CNTN4: variants seen among roughly 807,000 people sequenced by gnomAD.
CNTN4 encodes the protein contactin-4.
Under a neutral mutation model 122.5 loss-of-function variants are expected in CNTN4, and 77 were observed. The ratio of observed to expected loss-of-function variants is 0.63; its 90% CI spans 0.52 to 0.76. The LOEUF (loss-of-function observed/expected upper bound fraction) is 0.76, where lower values mean the gene tolerates loss of function less well. Among genes scored for constraint, CNTN4 ranks in the 30% least tolerant of loss-of-function variants. CNTN4 has a pLI of 0.00. For synonymous variants in CNTN4, 512 were observed against 447.0 expected, an observed-to-expected ratio of 1.15 and a Z score of -1.83; for missense variants, 1,256 against 1,259.1, an observed-to-expected ratio of 1.00 and a Z score of 0.04.
At position 3,043,610 on chromosome 3, in the gene CNTN4, G is replaced by T. The variant is rs755671035; in HGVS notation, c.2717G>T (p.Gly906Val). The stretch of plus-strand genomic sequence containing the variant: ...TTTATAGCACCAAGTCAACCCCCCG[G>T]AAACATCATATGGAATTCATCAGAC... ...TRKPPPSQPP[G>V]NIIWNSSDSK... The change falls in exon 23 of 25, where the codon GGA (glycine) becomes GTA (valine). Residue 906 changes from glycine (G) to valine (V), a missense_variant. Coordinates refer to ENST00000418658, the MANE Select transcript of CNTN4 (RefSeq NM_175607.3). 6.2e-7 allele frequency: 1 copy of T among 1,613,598 alleles called. No individual in the cohort carries two copies. The highest frequency in any genetic ancestry group is 8.5e-7 in the Non-Finnish European group (1 of 1,179,686).
intron 2 of CNTN4, among the ~76,000 whole-genome samples, chr3:2,216,097 G>T (rs1033466095): frequency 3.3e-5 from 5 of 151,972 alleles, no homozygotes; most frequent in African/African-American, 9.7e-5. Flanking sequence ...AATGTTCACT[G>T]CAGCACTCTT....
At chr3:2,746,143 G>GAACAAATTTTACAC (rs71058639) in intron 6 of CNTN4, among the ~76,000 whole-genome samples, 2 of 150,012 alleles carry the variant, frequency 1.3e-5, no homozygotes, top group Admixed American at 6.6e-5. Context: ...GCGAGCAATT[G>GAACAAATTTTACAC]AGCTGCCAGT....
intron 15 of CNTN4, among the ~76,000 whole-genome samples, chr3:3,029,114 A>G (rs1462962717): frequency 6.6e-6 from 1 of 152,190 alleles, no homozygotes; most frequent in Non-Finnish European, 1.5e-5. Flanking sequence ...TTCCCATTTT[A>G]TTGAGCAATT....
At chr3:2,428,863 A>G (rs1204734811) in intron 3 of CNTN4, among the ~76,000 whole-genome samples, 1 of 152,084 alleles carries the variant, frequency 6.6e-6, no homozygotes, top group African/African-American at 2.4e-5. Flanking sequence ...AGTTGATCGA[A>G]TCGGCTACTG....
intron 2 of CNTN4, among the ~76,000 whole-genome samples, chr3:2,134,291 G>C (rs1434080085): frequency 6.6e-6 from 1 of 152,170 alleles, no homozygotes; most frequent in Non-Finnish European, 1.5e-5. Context: ...TATTAAATCA[G>C]AATCTCCAGG....
At chr3:2,776,804 T>C (rs900394820) in intron 6 of CNTN4, among the ~76,000 whole-genome samples, 1 of 152,176 alleles carries the variant, frequency 6.6e-6, no homozygotes, top group African/African-American at 2.4e-5. Flanking sequence ...GAGTACAAAG[T>C]CCTCAGTTAC....
chr3:2,521,343 T>TCCCCCCCCCC (rs5846190), intron 3 of CNTN4, among the ~76,000 whole-genome samples: 16 of 128,298 alleles, frequency 1.2e-4, no homozygotes, highest in African/African-American at 4.1e-4. Context: ...CCTCTACCCA[T>TCCCCCCCCCC]CCCCCCCACC....
chr3:2,444,731 TTGGCTGGC>T (rs529016308), intron 3 of CNTN4, among the ~76,000 whole-genome samples: 2,211 of 151,816 alleles, frequency 0.015, 56 homozygotes, highest in African/African-American at 0.051. Context: ...TGAATAAATA[TTGGCTGGC>T]TGGCTGGCTG....
intron 4 of CNTN4, among the ~76,000 whole-genome samples, chr3:2,600,738 A>G (rs1316382469): frequency 6.6e-6 from 1 of 152,184 alleles, no homozygotes; most frequent in Admixed American, 6.5e-5. Flanking sequence ...GCTGGGTCAA[A>G]CGGTATTTCT....
At position 2,524,885 on chromosome 3, in the gene CNTN4, C is replaced by T. The variant is rs543711842; in HGVS notation, c.-88-46531C>T. On this transcript the variant is annotated intron_variant, in intron 3 of 24. Transcript: ENST00000418658. The stretch of plus-strand genomic sequence containing the variant: ...AAAAAAAAGTTTAATAGAATACCAG[C>T]TCAGCCTTTTGGAGGCTTAGCATAT... 3.7e-4 allele frequency among the ~76,000 whole-genome samples: 56 copies of T among 152,276 alleles called. No individual in the cohort carries two copies. In the South Asian group the frequency reaches 0.011, roughly 29 times the overall value.
chr3:2,944,393 A>C (rs2151533662), intron 13 of CNTN4, among the ~76,000 whole-genome samples: 1 of 152,272 alleles, frequency 6.6e-6, no homozygotes, highest in South Asian at 2.1e-4. Context: ...AACTCCTTGA[A>C]CTGGCTCCTC....
At chr3:2,621,448 C>T (rs1038253295) in intron 4 of CNTN4, among the ~76,000 whole-genome samples, 15 of 151,844 alleles carry the variant, frequency 9.9e-5, no homozygotes, top group African/African-American at 3.6e-4. Context: ...AATGAGAACA[C>T]ATGGTCACAG....
At chr3:2,639,720 A>G (rs530847532) in intron 4 of CNTN4, among the ~76,000 whole-genome samples, 1 of 152,242 alleles carries the variant, frequency 6.6e-6, no homozygotes, top group South Asian at 2.1e-4. Context: ...TATTTAACAC[A>G]TTTGTGTTTT....
chr3:2,434,674 A>G (rs2048196205), intron 3 of CNTN4, among the ~76,000 whole-genome samples: 1 of 152,166 alleles, frequency 6.6e-6, no homozygotes, highest in Admixed American at 6.5e-5. Flanking sequence ...TCTCTGTTGC[A>G]GGCACTTTAT....
intron 5 of CNTN4, among the ~76,000 whole-genome samples, chr3:2,738,221 G>C (rs1430273363): frequency 1.3e-5 from 2 of 152,128 alleles, no homozygotes; most frequent in Admixed American, 1.3e-4. Flanking sequence ...AGAACACCGA[G>C]TCAAACAGAT....
intron 2 of CNTN4, among the ~76,000 whole-genome samples, chr3:2,104,246 GT>G: frequency 7.1e-6 from 1 of 141,186 alleles, no homozygotes; most frequent in South Asian, 2.3e-4. Flanking sequence ...GTGTGTGTGT[GT>G]GTGTGTGTGC....
intron 3 of CNTN4, among the ~76,000 whole-genome samples, chr3:2,377,310 C>T (rs2045858067): frequency 6.6e-6 from 1 of 152,160 alleles, no homozygotes; most frequent in Non-Finnish European, 1.5e-5. Context: ...ATTGAACTCT[C>T]TTTAATATGA....
chr3:2,195,991 A>G (rs527758545), intron 2 of CNTN4, among the ~76,000 whole-genome samples: 1 of 152,312 alleles, frequency 6.6e-6, no homozygotes, highest in Non-Finnish European at 1.5e-5. Context: ...TGTCTGATCC[A>G]TTTTTGAGTA....
chr3:2,748,828 C>T (rs1278314919), intron 6 of CNTN4, among the ~76,000 whole-genome samples: 1 of 152,332 alleles, frequency 6.6e-6, no homozygotes, highest in East Asian at 1.9e-4. Flanking sequence ...GATCATTCCG[C>T]TTCCCTGCTT....
Sources: gnomAD v4.1 joint callset for allele counts (sites outside exome capture counted in the v4.1 genomes callset) on GRCh38, gnomAD v4.1.1 for gene constraint, MANE v1.5 for transcripts, NCBI Gene and HGNC (gene_info 2026-07-23, HGNC 2026-07-21) for gene names.